The following CC2D2B variants were observed in gnomAD, a reference collection of about 807,000 sequenced individuals.
CC2D2B encodes the protein coiled-coil and C2 domain containing 2B.
A neutral mutation model predicts 161.2 loss-of-function variants in CC2D2B; 128 were observed. The ratio of observed to expected loss-of-function variants is 0.79; its 90% CI spans 0.69 to 0.92. The LOEUF (loss-of-function observed/expected upper bound fraction) is 0.92. CC2D2B is among the 40% of genes least tolerant of loss of function. The pLI is 0.00. For synonymous variants in CC2D2B, 391 were observed against 449.8 expected, an observed-to-expected ratio of 0.87 and a Z score of 1.65; for missense variants, 1,173 against 1,375.1, an observed-to-expected ratio of 0.85 and a Z score of 2.32.
At chr10:96,027,695 C>A (rs1206615322) in intron 34 of CC2D2B, among the ~76,000 whole-genome samples, 2 of 151,970 alleles carry the variant, frequency 1.3e-5, no homozygotes, top group Non-Finnish European at 2.9e-5. Context: ...CTATCCTAAG[C>A]AAAAAAACCC....
chr10:95,941,755 A>G (rs2076030240), intron 9 of CC2D2B, among the ~76,000 whole-genome samples: 1 of 152,318 alleles, frequency 6.6e-6, no homozygotes, highest in African/African-American at 2.4e-5. Flanking sequence ...GGAATGTAAA[A>G]TGGTGCGACC....
intron 14 of CC2D2B, among the ~76,000 whole-genome samples, chr10:95,966,989 T>A (rs1300295881): frequency 6.6e-6 from 1 of 152,046 alleles, no homozygotes; most frequent in Non-Finnish European, 1.5e-5. Flanking sequence ...TTTTTCAACA[T>A]CTCTATCCCA....
chr10:95,987,468 C>T lies in CC2D2B; in HGVS notation c.2287-782C>T, dbSNP rs79680479. On this transcript the variant is annotated intron_variant, in intron 19 of 34. Transcript: ENST00000646931. Reference sequence around the variant, plus strand: ...AACTTACCTTCAGATAATGAGCATGCGTTGTTTCATGGCTGAAGATTCTAA... The same window carrying T: ...AACTTACCTTCAGATAATGAGCATGTGTTGTTTCATGGCTGAAGATTCTAA... Among the ~76,000 whole-genome samples the T allele has an allele frequency of 2.3e-4, 35 of 152,130 alleles. No individual in the cohort carries two copies. In the East Asian group the frequency reaches 4.0e-3, roughly 18 times the overall value.
intron 3 of CC2D2B, among the ~76,000 whole-genome samples, chr10:95,923,880 G>A (rs534641440): frequency 1.3e-5 from 2 of 152,256 alleles, no homozygotes; most frequent in East Asian, 3.9e-4. Context: ...AGTTAGCAGG[G>A]TGTGGTGGCG....
chr10:95,951,995 T>C (rs1415015473), intron 10 of CC2D2B, among the ~76,000 whole-genome samples: 1 of 152,194 alleles, frequency 6.6e-6, no homozygotes, highest in Non-Finnish European at 1.5e-5. Flanking sequence ...TAATCTTCTC[T>C]TCTGAGGTAG....
At chr10:95,996,085 C>T in intron 23 of CC2D2B, 58 bp from the exon 24 acceptor site, 1 of 736,694 alleles carries the variant, frequency 1.4e-6, no homozygotes, top group East Asian at 3.0e-5. Flanking sequence ...TAGGCCTCTA[C>T]CTTTATCGAC....
intron 24 of CC2D2B, among the ~76,000 whole-genome samples, chr10:96,000,618 C>A (rs1292594565): frequency 2.0e-5 from 3 of 152,154 alleles, no homozygotes; most frequent in African/African-American, 4.8e-5. Flanking sequence ...CCCGCCTCGG[C>A]CTCCCAAAGT....
chr10:95,915,025 A>G (rs369005237), intron 2 of CC2D2B, among the ~76,000 whole-genome samples: 1 of 152,134 alleles, frequency 6.6e-6, no homozygotes, highest in Non-Finnish European at 1.5e-5. Context: ...TTTTAACAAT[A>G]TTGACTCTTC....
intron 2 of CC2D2B, chr10:95,920,734 C>T (rs2141153679): frequency 6.6e-6 from 1 of 152,316 alleles, no homozygotes; most frequent in Non-Finnish European, 1.5e-5. Flanking sequence ...TATTCAAGGC[C>T]CAAGGGTTCT....
At chr10:95,975,016 A>G (rs1464044481) in intron 17 of CC2D2B, among the ~76,000 whole-genome samples, 3 of 152,190 alleles carry the variant, frequency 2.0e-5, no homozygotes, top group African/African-American at 4.8e-5. Context: ...TGATGTGTCA[A>G]TGTAGGTTCA....
chr10:95,965,434 A>G, intron 12 of CC2D2B, among the ~76,000 whole-genome samples: 1 of 152,116 alleles, frequency 6.6e-6, no homozygotes, highest in African/African-American at 2.4e-5. Flanking sequence ...AATGCCATGA[A>G]TTGTTTACTG....
chr10:95,978,090 C>A (rs2077383532), intron 17 of CC2D2B, among the ~76,000 whole-genome samples: 2 of 151,850 alleles, frequency 1.3e-5, no homozygotes, highest in African/African-American at 4.8e-5. Flanking sequence ...TATCTTTAAC[C>A]TTAATAAAAA....
At chr10:95,969,801 T>C (rs1250614611) in intron 15 of CC2D2B, among the ~76,000 whole-genome samples, 1 of 152,008 alleles carries the variant, frequency 6.6e-6, no homozygotes, top group East Asian at 1.9e-4. Context: ...GTCCCTAAAG[T>C]AAATTGTGAT....
intron 2 of CC2D2B, chr10:95,918,945 G>C (rs935033979): frequency 6.6e-6 from 1 of 151,706 alleles, no homozygotes; most frequent in African/African-American, 2.4e-5. Context: ...TTTCAGCTCC[G>C]GAATTTCTGC....
intron 19 of CC2D2B, among the ~76,000 whole-genome samples, chr10:95,987,413 G>C (rs981086653): frequency 2.6e-5 from 4 of 152,102 alleles, no homozygotes; most frequent in Non-Finnish European, 5.9e-5. Flanking sequence ...TTAATTTCAG[G>C]ATTTCTTATG....
rs1174952362 is a variant in CC2D2B at position 96,019,787 on chromosome 10, C to CA, written c.3857dup (p.Asn1286LysfsTer13). ...GAAAGTTTCTGGAAGCAGTTGCTTC[C>CA]AAAAAACGTTCAAGGAACAAAAATA... On this transcript the variant is annotated frameshift_variant, in exon 32 of 35. Transcript: ENST00000646931. LOFTEE classifies it high-confidence loss of function. The CA allele has an allele frequency of 6.2e-7, 1 of 1,604,042 alleles. No individual in the cohort carries two copies. Among genetic ancestry groups the CA allele is most frequent in the Non-Finnish European group, 8.5e-7 (1 of 1,177,172 alleles).
chr10:96,017,570 G>A (rs993716478), intron 30 of CC2D2B, among the ~76,000 whole-genome samples: 9 of 152,106 alleles, frequency 5.9e-5, no homozygotes, highest in Admixed American at 4.6e-4. Context: ...CTGTGAAGTC[G>A]AGGAGAGCAG....
rs1305410546 is a variant in CC2D2B at position 96,012,687 on chromosome 10, G to T, written c.3384G>T (p.Gln1128His). 3 of 1,608,034 alleles carry T rather than the reference G, an allele frequency of 1.9e-6. No individual in the cohort carries two copies. In the African/African-American group the frequency reaches 4.0e-5, roughly 22 times the overall value. Residue 1128 changes from glutamine to histidine, a missense_variant, in exon 28 of 35, where the codon CAG becomes CAT. Transcript: ENST00000646931. ...TRYIKALNPP[Q>H]QLLDIFLHNS... ...ATATCAAGGCATTAAATCCACCTCA[G>T]CAACTTCTGGATATATTTCTTCACA... is the stretch of plus-strand genomic sequence containing the variant.
At position 95,998,427 on chromosome 10, in the gene CC2D2B, C is replaced by T. The variant is rs150320324; in HGVS notation, c.2849+2175C>T. On this transcript the variant is annotated intron_variant, in intron 24 of 34. Transcript: ENST00000646931. ...CTGTGTGCTCTGTCTATTCATCCCT[C>T]CCTCCCCCTGGAACCTTGCCAACCA... Among the ~76,000 whole-genome samples the T allele has an allele frequency of 1.8e-4, 27 of 152,288 alleles. No individual in the cohort carries two copies. The East Asian group carries it at 4.2e-3, about 24-fold the overall frequency.
Sources: allele counts gnomAD v4.1 joint callset (sites outside exome capture counted in the v4.1 genomes callset), GRCh38; gene constraint gnomAD v4.1.1; transcripts MANE v1.5; gene names NCBI Gene and HGNC (gene_info 2026-07-23, HGNC 2026-07-21).